The following ANKRD6 variants were observed in gnomAD, a reference collection of about 807,000 sequenced individuals.
ANKRD6 encodes the protein ankyrin repeat domain 6.
A neutral mutation model predicts 82.3 loss-of-function variants in ANKRD6; 56 were observed. The observed-to-expected ratio is 0.68, with a 90% CI of 0.55 to 0.85. The LOEUF (loss-of-function observed/expected upper bound fraction) is 0.85. Ranked by LOEUF, ANKRD6 falls within the 40% of genes least tolerant of loss-of-function variation. The pLI is 0.00. For missense variants in ANKRD6, 852 were observed against 907.6 expected (o/e 0.94, Z 0.79); for synonymous variants, 347 against 352.1 (o/e 0.99, Z 0.16).
At chr6:89,598,015 T>C in intron 3 of ANKRD6, 1 of 754,524 alleles carries the variant, frequency 1.3e-6, no homozygotes, top group Non-Finnish European at 1.6e-6. Flanking sequence ...ATCTCAGAAG[T>C]TACCTGTCTT....
intron 5 of ANKRD6, among the ~76,000 whole-genome samples, chr6:89,610,011 AAGATCCTTCTT>A (rs1799811927): frequency 2.6e-5 from 4 of 152,196 alleles, no homozygotes; most frequent in Admixed American, 2.6e-4. Flanking sequence ...AGCCCGTAGA[AAGATCCTTCTT>A]ATTCAGCAGA....
chr6:89,577,216 G>A (rs1304795545), intron 2 of ANKRD6, among the ~76,000 whole-genome samples: 2 of 151,890 alleles, frequency 1.3e-5, no homozygotes, highest in Admixed American at 6.6e-5. Flanking sequence ...CAAAGCCATC[G>A]TTTCTTCTTT....
In ANKRD6 at chr6:89,627,633, G is replaced by T. The variant is rs144773433; in HGVS notation, c.1422G>T (p.Thr474=). 6.2e-7 allele frequency: 1 copy of T among 1,613,824 alleles called. No individual in the cohort carries two copies. ...TTGAGCGACTTTCTGCAGAGAGGACGGAGTGCCTGAACCGCCTGCAACAGC... is the reference window on the plus strand; with the variant it reads ...TTGAGCGACTTTCTGCAGAGAGGACTGAGTGCCTGAACCGCCTGCAACAGC... ...LMVERLSAER[T]ECLNRLQQHS... is the part of the protein sequence containing the mutation. The change falls in exon 14 of 16, where the codon ACG becomes ACT. Residue 474 remains threonine (T), a synonymous_variant. Transcript: ENST00000339746.
In ANKRD6 at chr6:89,612,328, C is replaced by T. The variant is rs761744665; in HGVS notation, c.474C>T (p.Arg158=). Residue 158 remains arginine, a synonymous_variant, in exon 6 of 16, where the codon CGC becomes CGT. Transcript: ENST00000339746. ...ACQNSHSQST[R]VLLLAGSRAD... is the part of the protein sequence containing the mutation. ...AGAACAGCCACTCCCAGAGCACGCGCGTCCTCCTGCTGGCCGGGTCCCGCG... is the reference window on the plus strand; with the variant it reads ...AGAACAGCCACTCCCAGAGCACGCGTGTCCTCCTGCTGGCCGGGTCCCGCG... 49 of 1,565,646 alleles carry T rather than the reference C, an allele frequency of 3.1e-5. No homozygotes were observed. In the East Asian group the frequency reaches 6.2e-4, roughly 20 times the overall value.
At chr6:89,545,147 A>T (rs953680381) in intron 1 of ANKRD6, among the ~76,000 whole-genome samples, 3 of 146,812 alleles carry the variant, frequency 2.0e-5, no homozygotes, top group African/African-American at 5.0e-5. Flanking sequence ...TGGGAGGCGG[A>T]GCTTGCAGTG....
chr6:89,476,993 G>T (rs1366544469), intron 1 of ANKRD6, among the ~76,000 whole-genome samples: 1 of 152,164 alleles, frequency 6.6e-6, no homozygotes, highest in Non-Finnish European at 1.5e-5. Flanking sequence ...CGCCCAGGCT[G>T]GAGTGCAGTG....
chr6:89,547,500 G>GGGCA (rs1480267903), intron 1 of ANKRD6, among the ~76,000 whole-genome samples: 1 of 152,142 alleles, frequency 6.6e-6, no homozygotes, highest in Non-Finnish European at 1.5e-5. Flanking sequence ...TGCCTCTGGG[G>GGGCA]GGCAGCCTGC....
intron 8 of ANKRD6, among the ~76,000 whole-genome samples, chr6:89,617,633 C>G (rs1801923382): frequency 6.6e-6 from 1 of 152,242 alleles, no homozygotes; most frequent in Admixed American, 6.5e-5. Context: ...GTTCCCTCCC[C>G]TCTTTGCAGG....
intron 1 of ANKRD6, among the ~76,000 whole-genome samples, chr6:89,533,229 A>T (rs1783403061): frequency 6.6e-6 from 1 of 152,108 alleles, no homozygotes; most frequent in Non-Finnish European, 1.5e-5. Context: ...CAGGCTAGTG[A>T]AGATACTAGG....
intron 1 of ANKRD6, among the ~76,000 whole-genome samples, chr6:89,531,120 G>A (rs143641579): frequency 6.6e-6 from 1 of 152,238 alleles, no homozygotes; most frequent in Non-Finnish European, 1.5e-5. Flanking sequence ...TCTATGGGAA[G>A]GAGAGGTGGC....
intron 4 of ANKRD6, among the ~76,000 whole-genome samples, chr6:89,605,646 A>G (rs1417894472): frequency 2.0e-5 from 3 of 152,170 alleles, no homozygotes; most frequent in Non-Finnish European, 2.9e-5. Context: ...GAAGAAATAG[A>G]TGGCATGCTA....
At chr6:89,442,940 G>C (rs964256434) in intron 1 of ANKRD6, among the ~76,000 whole-genome samples, 1 of 152,190 alleles carries the variant, frequency 6.6e-6, no homozygotes, top group African/African-American at 2.4e-5. Context: ...GAGGGGGTAA[G>C]ATCTAGTTAT....
intron 2 of ANKRD6, among the ~76,000 whole-genome samples, chr6:89,581,065 G>A (rs1792414248): frequency 6.6e-6 from 1 of 152,156 alleles, no homozygotes; most frequent in Admixed American, 6.5e-5. Context: ...GAAGGCACCT[G>A]TCTTACCTGC....
At chr6:89,517,645 CATT>C (rs1781385024) in intron 1 of ANKRD6, among the ~76,000 whole-genome samples, 1 of 152,170 alleles carries the variant, frequency 6.6e-6, no homozygotes, top group African/African-American at 2.4e-5. Flanking sequence ...TCAACATGAT[CATT>C]ATTATAATTT....
intron 1 of ANKRD6, among the ~76,000 whole-genome samples, chr6:89,554,800 C>T (rs1297867626): frequency 6.6e-6 from 1 of 152,278 alleles, no homozygotes; most frequent in South Asian, 2.1e-4. Flanking sequence ...ATTTCAGTCT[C>T]TCATGGTCCA....
At chr6:89,560,825 CAAAAAAA>C (rs151181309) in intron 1 of ANKRD6, 2 of 146,348 alleles carry the variant, frequency 1.4e-5, no homozygotes, top group South Asian at 2.2e-4. Context: ...ACTTTGTCTC[CAAAAAAA>C]AAGAAAAAAG....
chr6:89,518,416 A>AG (rs1781489045), intron 1 of ANKRD6, among the ~76,000 whole-genome samples: 1 of 152,116 alleles, frequency 6.6e-6, no homozygotes, highest in South Asian at 2.1e-4. Context: ...AAAAAAAAAA[A>AG]ATAAGTATCT....
chr6:89,483,906 G>GTCTC (rs147189689), intron 1 of ANKRD6, among the ~76,000 whole-genome samples: 1 of 150,346 alleles, frequency 6.7e-6, no homozygotes, highest in African/African-American at 2.4e-5. Flanking sequence ...CTCTCTCTCT[G>GTCTC]TCTCTCTCTC....
At chr6:89,436,905 T>C (rs1365191802) in intron 1 of ANKRD6, among the ~76,000 whole-genome samples, 2 of 152,190 alleles carry the variant, frequency 1.3e-5, no homozygotes, top group African/African-American at 2.4e-5. Flanking sequence ...GAAATAGCTA[T>C]GTTCTCTCTC....
Sources: gnomAD v4.1 joint callset for allele counts (sites outside exome capture counted in the v4.1 genomes callset) on GRCh38, gnomAD v4.1.1 for gene constraint, MANE v1.5 for transcripts, NCBI Gene and HGNC (gene_info 2026-07-23, HGNC 2026-07-21) for gene names.